Variants in RHAG observed in about 807,000 individuals in gnomAD.
RHAG encodes the protein ammonium transporter Rh type A.
RHAG carries 25 observed loss-of-function variants against 42.4 expected under a neutral mutation model. The ratio of observed to expected loss-of-function variants is 0.59; its 90% CI spans 0.43 to 0.82. RHAG has a LOEUF of 0.82. Ranked by LOEUF, RHAG falls within the 40% of genes least tolerant of loss-of-function variation. The pLI is 0.00. For synonymous variants in RHAG, 182 were observed against 177.7 expected (o/e 1.02, Z -0.19); for missense variants, 483 against 504.6 (o/e 0.96, Z 0.41).
intron 1 of RHAG, among the ~76,000 whole-genome samples, chr6:49,632,420 C>A (rs896552561): frequency 1.3e-5 from 2 of 152,172 alleles, no homozygotes; most frequent in South Asian, 4.1e-4. Context: ...GATATATTCT[C>A]AGTTTTTAAA....
At chr6:49,606,302 G>A (rs1483983910) in intron 9 of RHAG, among the ~76,000 whole-genome samples, 1 of 152,046 alleles carries the variant, frequency 6.6e-6, no homozygotes, top group Non-Finnish European at 1.5e-5. Context: ...AAATAAACCT[G>A]TGGACTATAT....
intron 5 of RHAG, 115 bp downstream of exon 5, chr6:49,614,572 C>T (rs1762620973): frequency 1.1e-6 from 1 of 881,458 alleles, no homozygotes. Flanking sequence ...TCTACAAGGT[C>T]TGCTTCTGAT....
At chr6:49,626,106 G>C (rs944329036) in intron 1 of RHAG, among the ~76,000 whole-genome samples, 2 of 151,996 alleles carry the variant, frequency 1.3e-5, no homozygotes, top group African/African-American at 4.8e-5. Flanking sequence ...ATCTCATTTC[G>C]CTCCAGCCCC....
Position 49,636,815 on chromosome 6 carries a change from T to G in RHAG, c.-3A>C. 2 of 1,613,678 alleles carry G rather than the reference T, an allele frequency of 1.2e-6. No homozygotes were observed. ...ATGAGAGGGAATGTGAACCTCATGT[T>G]TGTGGCAAAGGACAGAGGCACACTG... On this transcript the variant is annotated 5_prime_UTR_variant, in exon 1 of 10. Transcript: ENST00000371175.
chr6:49,614,736 G>C lies in RHAG; in HGVS notation c.758C>G (p.Thr253Arg). The change falls in exon 5 of 10, where the codon ACA (threonine) becomes AGA (arginine). Residue 253 changes from threonine to arginine, a missense_variant. Transcript: ENST00000371175. ...CACTAGGCTGGAGAAGGCAAAGGCTGTGAGCACACAGGCAGCGAGAGAGAA... is the reference window on the plus strand; with the variant it reads ...CACTAGGCTGGAGAAGGCAAAGGCTCTGAGCACACAGGCAGCGAGAGAGAA... ...TYFSLAACVL[T>R]AFAFSSLVEH... The C allele has an allele frequency of 6.2e-7, 1 of 1,614,098 alleles. No individual in the cohort carries two copies.
In RHAG at chr6:49,605,201, T is replaced by C. The variant is rs1187581779; in HGVS notation, c.*612A>G. 1 of 155,050 alleles carries C rather than the reference T, an allele frequency of 6.4e-6. No homozygotes were observed. The highest frequency in any genetic ancestry group is 1.4e-5 in the Non-Finnish European group (1 of 69,708). The allele number at this position is 155,050 out of a possible 1,614,324, so 9.6% of individuals were successfully genotyped here. A position where few individuals can be genotyped will look rare whatever the true frequency, so the allele number is the denominator to read the frequency against. On this transcript the variant is annotated 3_prime_UTR_variant, in exon 10 of 10. Coordinates refer to ENST00000371175, the MANE Select transcript of RHAG (RefSeq NM_000324.3). ...TTTATTTTATAACAATATTTAATTA[T>C]TGGACATTTTATGCAAAATAGACTT...
chr6:49,620,545 G>A (rs190544484), intron 1 of RHAG, among the ~76,000 whole-genome samples: 179 of 151,944 alleles, frequency 1.2e-3, no homozygotes, highest in Non-Finnish European at 2.1e-3. Flanking sequence ...CTTTTTTTGG[G>A]GGGGGAGACA....
Position 49,618,132 on chromosome 6 carries a change from A to G in RHAG, c.428T>C (p.Ile143Thr), listed in dbSNP as rs1762684851. The change falls in exon 3 of 10, where the codon ATC becomes ACC. Residue 143 changes from isoleucine (I) to threonine (T), a missense_variant. Transcript: ENST00000371175. ...GAAAACAATTTCTAAAATTGTCATG[A>G]TCAGCATTTGGGTGGGGCTCGTTTT... ...LGKTSPTQMLIMTILEIVFFA... is the reference protein window; with the variant it reads ...LGKTSPTQMLTMTILEIVFFA... 6.2e-7 allele frequency: 1 copy of G among 1,614,152 alleles called. No individual in the cohort carries two copies. The highest frequency in any genetic ancestry group is 8.5e-7 in the Non-Finnish European group (1 of 1,179,988).
chr6:49,625,345 A>T (rs1005593858), intron 1 of RHAG, among the ~76,000 whole-genome samples: 8 of 152,308 alleles, frequency 5.3e-5, no homozygotes, highest in African/African-American at 1.9e-4. Context: ...CAAACATTTG[A>T]CCTTGGGCAA....
rs755643182 is a variant in RHAG, at chr6:49,615,779, AC to A, written c.493-9del. The A allele has an allele frequency of 3.7e-6, 6 of 1,613,874 alleles. No homozygotes were observed. Among genetic ancestry groups the A allele is most frequent in the Admixed American group, 3.3e-5 (2 of 60,002 alleles). ...TGCTCCAATGTCAGAGGCCTGAGGG[AC>A]AAAATAGCATTCACATAAATAGAGG... On this transcript the variant is annotated splice_polypyrimidine_tract_variant and intron_variant, in intron 3 of 9. Coordinates refer to ENST00000371175, the MANE Select transcript of RHAG (RefSeq NM_000324.3).
intron 1 of RHAG, among the ~76,000 whole-genome samples, chr6:49,628,330 C>A (rs181144835): frequency 1.3e-5 from 2 of 152,134 alleles, no homozygotes; most frequent in East Asian, 1.9e-4. Context: ...TGTTTTGTAG[C>A]GACAGGGTCT....
chr6:49,624,250 G>A (rs1207143385), intron 1 of RHAG, among the ~76,000 whole-genome samples: 1 of 151,926 alleles, frequency 6.6e-6, no homozygotes, highest in Non-Finnish European at 1.5e-5. Context: ...GTCTTGCCTA[G>A]GCTGGAGTGC....
At chr6:49,634,458 G>T (rs940473674) in intron 1 of RHAG, among the ~76,000 whole-genome samples, 8 of 151,918 alleles carry the variant, frequency 5.3e-5, no homozygotes, top group Non-Finnish European at 1.2e-4. Flanking sequence ...TCACTACTAG[G>T]GATATTTCCA....
chr6:49,610,069 G>C (rs1022196032), intron 7 of RHAG, among the ~76,000 whole-genome samples: 5 of 151,954 alleles, frequency 3.3e-5, no homozygotes, highest in Admixed American at 6.6e-5. Context: ...GGACCTGATG[G>C]GGGGTGGGGT....
At chr6:49,629,378 C>T (rs1331811472) in intron 1 of RHAG, among the ~76,000 whole-genome samples, 2 of 152,174 alleles carry the variant, frequency 1.3e-5, no homozygotes, top group East Asian at 3.9e-4. Context: ...GGTGTGTTTA[C>T]AAACCTTGAG....
chr6:49,611,127 G>C lies in RHAG; in HGVS notation c.964C>G (p.Leu322Val). The change falls in exon 7 of 10, where the codon CTG (leucine) becomes GTG (valine). Residue 322 changes from leucine (L) to valine (V), a missense_variant. Leu to Val is a conservative substitution (Grantham distance 32). Coordinates refer to ENST00000371175, the MANE Select transcript of RHAG (RefSeq NM_000324.3). ...ACCCCACATGTATCATGGATCCTCA[G>C]TTTAGTAGTAAAAAGTGGCTAAAAT... ...KFLTPLFTTK[L>V]RIHDTCGVHN... 1 of 1,613,346 alleles carries C rather than the reference G, an allele frequency of 6.2e-7. No individual in the cohort carries two copies. The highest frequency in any genetic ancestry group is 8.5e-7 in the Non-Finnish European group (1 of 1,179,548).
chr6:49,605,466 T>C lies in RHAG; in HGVS notation c.*347A>G. ...TTTATAATTTTTGGGATTGAAGACA[T>C]AGTGTCTACATTAAGAAACTGACAT... is the stretch of plus-strand genomic sequence containing the variant. On this transcript the variant is annotated 3_prime_UTR_variant, in exon 10 of 10. Coordinates refer to ENST00000371175, the MANE Select transcript of RHAG (RefSeq NM_000324.3). 3.1e-6 allele frequency: 1 copy of C among 318,616 alleles called. No individual in the cohort carries two copies. Among genetic ancestry groups the C allele is most frequent in the Non-Finnish European group, 6.0e-6 (1 of 167,986 alleles). The allele number at this position is 318,616 out of a possible 1,614,324, so 19.7% of individuals were successfully genotyped here. A position where few individuals can be genotyped will look rare whatever the true frequency, so the allele number is the denominator to read the frequency against.
chr6:49,624,650 T>C (rs778430139), intron 1 of RHAG, among the ~76,000 whole-genome samples: 1 of 152,250 alleles, frequency 6.6e-6, no homozygotes, highest in Non-Finnish European at 1.5e-5. Context: ...ATGGGACTAA[T>C]ACTTCATAAG....
chr6:49,607,605 G>A (rs1230156109), intron 7 of RHAG, among the ~76,000 whole-genome samples: 1 of 152,138 alleles, frequency 6.6e-6, no homozygotes, highest in Admixed American at 6.5e-5. Flanking sequence ...AACAACATGA[G>A]CTACTAAAGC....
Sources: gnomAD v4.1 joint callset for allele counts (sites outside exome capture counted in the v4.1 genomes callset) on GRCh38, gnomAD v4.1.1 for gene constraint, MANE v1.5 for transcripts, NCBI Gene and HGNC (gene_info 2026-07-23, HGNC 2026-07-21) for gene names.